Variants in SLC13A3 observed in about 807,000 individuals in gnomAD.
The protein encoded by SLC13A3 is solute carrier family 13 member 3.
SLC13A3 carries 40 observed loss-of-function variants against 59.0 expected under a neutral mutation model. That is an observed-to-expected ratio of 0.68 (90% CI 0.53 to 0.88). The LOEUF (loss-of-function observed/expected upper bound fraction) is 0.88. SLC13A3 is among the 40% of genes least tolerant of loss of function. SLC13A3 has a pLI of 0.00. For missense variants in SLC13A3, 699 were observed against 783.2 expected, an observed-to-expected ratio of 0.89 and a Z score of 1.28; for synonymous variants, 317 against 330.3, an observed-to-expected ratio of 0.96 and a Z score of 0.44.
upstream of SLC13A3, among the ~76,000 whole-genome samples, chr20:46,655,929 A>T (rs886675703): frequency 7.0e-6 from 1 of 143,272 alleles, no homozygotes; most frequent in African/African-American, 2.5e-5. Flanking sequence ...ATACGTATAT[A>T]ATATACTACA....
intron 1 of SLC13A3, among the ~76,000 whole-genome samples, chr20:46,618,090 A>C (rs1568939815): frequency 6.6e-6 from 1 of 152,174 alleles, no homozygotes; most frequent in Non-Finnish European, 1.5e-5. Context: ...TGACTATAAG[A>C]TGTTTCACTT....
At position 46,613,660 on chromosome 20, in the gene SLC13A3, G is replaced by C. The variant is rs758807264; in HGVS notation, c.177C>G (p.Leu59=). 1.9e-6 allele frequency: 3 copies of C among 1,612,236 alleles called. No homozygotes were observed. The highest frequency in any genetic ancestry group is 1.7e-5 in the Admixed American group (1 of 59,690). The change falls in exon 2 of 13, where the codon CTC becomes CTG. Residue 59 remains leucine, a synonymous_variant. Coordinates refer to ENST00000279027, the MANE Select transcript of SLC13A3 (RefSeq NM_022829.6). ...CGATGGGCAGCAGCGCCGTCACTGA[G>C]AGCGGCAGGGCCTCCGTGCACCAGT... The part of the protein sequence containing the change: ...AVYWCTEALP[L]SVTALLPIVL...
intron 10 of SLC13A3, among the ~76,000 whole-genome samples, chr20:46,575,298 A>G (rs1005616947): frequency 1.1e-4 from 17 of 152,206 alleles, no homozygotes; most frequent in African/African-American, 4.1e-4. Context: ...GAAGTCACAG[A>G]GCCCTCGAGT....
At chr20:46,675,561 C>CTTT (rs199723217) in intron 1 of SLC13A3, among the ~76,000 whole-genome samples, 1 of 147,926 alleles carries the variant, frequency 6.8e-6, no homozygotes, top group African/African-American at 2.5e-5. Context: ...TTTTTTCTTT[C>CTTT]TTTCTTTTTT....
chr20:46,623,620 G>A (rs1302076947), intron 1 of SLC13A3, among the ~76,000 whole-genome samples: 1 of 152,154 alleles, frequency 6.6e-6, no homozygotes, highest in South Asian at 2.1e-4. Flanking sequence ...CTGTGTCCCA[G>A]GTAATTCAGT....
intron 5 of SLC13A3, among the ~76,000 whole-genome samples, chr20:46,593,143 T>C (rs545505866): frequency 6.6e-6 from 1 of 152,314 alleles, no homozygotes; most frequent in East Asian, 1.9e-4. Flanking sequence ...TCATCAAGCC[T>C]GAAAAGATGA....
intron 6 of SLC13A3, among the ~76,000 whole-genome samples, chr20:46,590,188 C>T (rs2062239100): frequency 6.6e-6 from 1 of 151,976 alleles, no homozygotes. Flanking sequence ...TAAGGATGAA[C>T]TCCAAATAGA....
chr20:46,674,604 C>CGTGTGTGTGTGT (rs58582046), upstream of SLC13A3, among the ~76,000 whole-genome samples: 611 of 127,916 alleles, frequency 4.8e-3, 3 homozygotes, highest in African/African-American at 0.012. Context: ...CGCGCGCGCG[C>CGTGTGTGTGTGT]GTGTGTGTGT....
intron 4 of SLC13A3, among the ~76,000 whole-genome samples, chr20:46,598,910 C>T (rs1246009675): frequency 1.3e-5 from 2 of 152,066 alleles, no homozygotes; most frequent in African/African-American, 2.4e-5. Flanking sequence ...GAGCTTTGCA[C>T]GTGCTGGTCC....
In SLC13A3 at chr20:46,678,383, G is replaced by A. The variant is rs116088339; in HGVS notation, c.-31+6013C>T. Among the ~76,000 whole-genome samples the A allele has an allele frequency of 9.4e-4, 143 of 152,320 alleles. 1 individual carries two copies. The highest frequency in any genetic ancestry group is 3.4e-3 in the African/African-American group (140 of 41,578). On this transcript the variant is annotated intron_variant, in intron 1 of 6. Coordinates refer to the SLC13A3 transcript ENST00000372121. ...AGGAATGCTTTTGGCTTCAAGTGATGGAAAATCTGATTTATGGTAGCTTCA... is the reference window on the plus strand; with the variant it reads ...AGGAATGCTTTTGGCTTCAAGTGATAGAAAATCTGATTTATGGTAGCTTCA...
At chr20:46,598,073 T>C (rs2062333006) in intron 4 of SLC13A3, among the ~76,000 whole-genome samples, 1 of 152,212 alleles carries the variant, frequency 6.6e-6, no homozygotes, top group Admixed American at 6.5e-5. Flanking sequence ...TTTAAAAAAG[T>C]GTTCTGTGTA....
rs749737854 is a variant in SLC13A3 at position 46,588,179 on chromosome 20, G to A, written c.1017-16C>T. Reference sequence around the variant, plus strand: ...TTCGGCAAACCTGTGGCACAGACATGCAGGCATGATGGTGACCCCGGGTTT... The same window carrying A: ...TTCGGCAAACCTGTGGCACAGACATACAGGCATGATGGTGACCCCGGGTTT... On this transcript the variant is annotated splice_polypyrimidine_tract_variant and intron_variant, in intron 7 of 12. Coordinates refer to ENST00000279027, the MANE Select transcript of SLC13A3 (RefSeq NM_022829.6). 1.0e-5 allele frequency: 16 copies of A among 1,553,526 alleles called. No homozygotes were observed. Among genetic ancestry groups the A allele is most frequent in the Non-Finnish European group, 1.4e-5 (16 of 1,131,030 alleles).
At chr20:46,654,109 T>C (rs912323137), upstream of SLC13A3, among the ~76,000 whole-genome samples, 1 of 152,192 alleles carries the variant, frequency 6.6e-6, no homozygotes, top group Admixed American at 6.5e-5. Context: ...CCAACACTTA[T>C]TTTCTGTGAT....
At chr20:46,654,437 C>T (rs1357300826), upstream of SLC13A3, among the ~76,000 whole-genome samples, 1 of 152,178 alleles carries the variant, frequency 6.6e-6, no homozygotes, top group African/African-American at 2.4e-5. Context: ...TGCCCCTTTG[C>T]CTTACCCAGT....
intron 1 of SLC13A3, among the ~76,000 whole-genome samples, chr20:46,681,414 A>G (rs2063153100): frequency 6.6e-6 from 1 of 151,704 alleles, no homozygotes; most frequent in African/African-American, 2.4e-5. Flanking sequence ...GAGGAAGGAG[A>G]AGGGGAGAAA....
chr20:46,655,155 A>G (rs945893508), upstream of SLC13A3, among the ~76,000 whole-genome samples: 1 of 151,142 alleles, frequency 6.6e-6, no homozygotes, highest in Non-Finnish European at 1.5e-5. Context: ...CTTGGTGTGG[A>G]TTTCCTTGGT....
At chr20:46,656,566 A>G (rs1050667436) in intron 1 of SLC13A3, among the ~76,000 whole-genome samples, 1 of 147,128 alleles carries the variant, frequency 6.8e-6, no homozygotes, top group African/African-American at 2.5e-5. Context: ...TATATGATAT[A>G]TACTATACAG....
At chr20:46,600,602 C>T (rs1157762370) in intron 3 of SLC13A3, 1 of 464,686 alleles carries the variant, frequency 2.2e-6, no homozygotes, top group South Asian at 1.6e-5. Flanking sequence ...GCAGCCATTG[C>T]CAAAGTTGTG....
intron 9 of SLC13A3, among the ~76,000 whole-genome samples, chr20:46,579,706 G>C (rs549313170): frequency 1.3e-5 from 2 of 152,306 alleles, no homozygotes; most frequent in African/African-American, 4.8e-5. Flanking sequence ...ACATGTTTTA[G>C]TGCTACTGTT....
Sources: allele counts gnomAD v4.1 joint callset (sites outside exome capture counted in the v4.1 genomes callset), GRCh38; gene constraint gnomAD v4.1.1; transcripts MANE v1.5; gene names NCBI Gene and HGNC (gene_info 2026-07-23, HGNC 2026-07-21).